ZNF536: variants seen among roughly 807,000 people sequenced by gnomAD.
The protein encoded by ZNF536 is zinc finger protein 536.
ZNF536 carries 13 observed loss-of-function variants against 84.5 expected under a neutral mutation model. The ratio of observed to expected loss-of-function variants is 0.15; its 90% CI spans 0.10 to 0.24. The LOEUF is 0.24. Among genes scored for constraint, ZNF536 ranks in the 10% least tolerant of loss-of-function variants. The probability of loss-of-function intolerance (pLI) is 1.00; values close to 1 mark genes in which losing one functional copy is unlikely to be tolerated. For synonymous variants in ZNF536, 811 were observed against 742.5 expected, an observed-to-expected ratio of 1.09 and a Z score of -1.50; for missense variants, 1,536 against 1,747.5, an observed-to-expected ratio of 0.88 and a Z score of 2.16.
chr19:30,465,780 T>C (rs1414155635), intron 2 of ZNF536, among the ~76,000 whole-genome samples: 1 of 152,082 alleles, frequency 6.6e-6, no homozygotes, highest in Non-Finnish European at 1.5e-5. Flanking sequence ...AGATGGAGTC[T>C]TGCTCTGTTG....
chr19:30,591,711 G>T (rs545613142), intron 1 of ZNF536, among the ~76,000 whole-genome samples: 1 of 152,324 alleles, frequency 6.6e-6, no homozygotes, highest in South Asian at 2.1e-4. Context: ...TTGATGGGTT[G>T]CTGGAGCAGT....
At chr19:30,412,956 T>TA (rs1223058566) in intron 1 of ZNF536, among the ~76,000 whole-genome samples, 2 of 152,026 alleles carry the variant, frequency 1.3e-5, no homozygotes, top group African/African-American at 4.8e-5. Context: ...TCATATCTGA[T>TA]AATTTTTTTA....
At chr19:30,452,972 C>T (rs2052674602) in intron 2 of ZNF536, among the ~76,000 whole-genome samples, 1 of 119,252 alleles carries the variant, frequency 8.4e-6, no homozygotes, top group Non-Finnish European at 1.7e-5. Context: ...AAGAGGGGTG[C>T]ATGGTGTCGG....
At chr19:30,651,388 T>C (rs1018409400) in intron 1 of ZNF536, among the ~76,000 whole-genome samples, 3 of 152,218 alleles carry the variant, frequency 2.0e-5, no homozygotes, top group Admixed American at 6.5e-5. Flanking sequence ...CCAGCTGCTA[T>C]TCTTCCCATA....
At chr19:30,498,450 G>T (rs55976206) in intron 2 of ZNF536, among the ~76,000 whole-genome samples, 1 of 151,982 alleles carries the variant, frequency 6.6e-6, no homozygotes, top group Non-Finnish European at 1.5e-5. Flanking sequence ...GAGTGGGGTG[G>T]GGGGACGGAG....
Position 30,613,286 on chromosome 19 carries a change from G to A in ZNF536, c.169+63772G>A, listed in dbSNP as rs145388639. ...GTGGGCAGATACTCTGAGACAACAC[G>A]GGTCCTTTTTCTTTTCATACTTCTG... On this transcript the variant is annotated intron_variant, in intron 1 of 1. Coordinates refer to the ZNF536 transcript ENST00000592773. Among the ~76,000 whole-genome samples the A allele has an allele frequency of 6.6e-3, 1,000 of 152,198 alleles. 5 individuals carry two copies. The highest frequency in any genetic ancestry group is 0.025 in the South Asian group (121 of 4,816).
At chr19:30,623,658 A>G (rs1309044168) in intron 1 of ZNF536, among the ~76,000 whole-genome samples, 1 of 152,122 alleles carries the variant, frequency 6.6e-6, no homozygotes, top group Non-Finnish European at 1.5e-5. Context: ...TCTTTGTTCC[A>G]CTGTAGCCTC....
At chr19:30,662,539 G>C (rs928135429) in intron 1 of ZNF536, among the ~76,000 whole-genome samples, 31 of 151,462 alleles carry the variant, frequency 2.0e-4, no homozygotes, top group Non-Finnish European at 4.4e-4. Context: ...CCCGCAGATG[G>C]GGGGGGATAG....
At chr19:30,680,374 G>T (rs1011164308) in intron 1 of ZNF536, among the ~76,000 whole-genome samples, 1 of 149,782 alleles carries the variant, frequency 6.7e-6, no homozygotes, top group African/African-American at 2.5e-5. Context: ...TTAGCATTAG[G>T]TATATCTCCT....
chr19:30,499,297 C>T (rs1315293287), intron 2 of ZNF536, among the ~76,000 whole-genome samples: 2 of 151,944 alleles, frequency 1.3e-5, no homozygotes, highest in Non-Finnish European at 2.9e-5. Context: ...ATCTTTGCAT[C>T]TATGTATCTA....
intron 1 of ZNF536, among the ~76,000 whole-genome samples, chr19:30,605,352 G>A (rs911064548): frequency 6.9e-6 from 1 of 145,344 alleles, no homozygotes; most frequent in African/African-American, 2.5e-5. Flanking sequence ...CTCCCCCACC[G>A]CCAAGTCCCC....
intron 1 of ZNF536, among the ~76,000 whole-genome samples, chr19:30,622,762 TG>T (rs1484376768): frequency 6.6e-6 from 1 of 152,078 alleles, no homozygotes; most frequent in African/African-American, 2.4e-5. Context: ...ATGTTTGGGG[TG>T]GTGCTTTGGG....
intron 2 of ZNF536, among the ~76,000 whole-genome samples, chr19:30,289,035 A>G (rs2145765139): frequency 6.6e-6 from 1 of 152,268 alleles, no homozygotes; most frequent in South Asian, 2.1e-4. Flanking sequence ...GAGTTTCCTA[A>G]GCCAACTTCT....
At chr19:30,406,564 T>C (rs1243060932) in intron 1 of ZNF536, among the ~76,000 whole-genome samples, 1 of 152,178 alleles carries the variant, frequency 6.6e-6, no homozygotes, top group African/African-American at 2.4e-5. Flanking sequence ...GCTCCAAGCA[T>C]TGAGGAAACT....
intron 2 of ZNF536, among the ~76,000 whole-genome samples, chr19:30,341,435 A>T (rs2047561637): frequency 6.6e-6 from 1 of 152,328 alleles, no homozygotes; most frequent in Admixed American, 6.5e-5. Flanking sequence ...TAATCAAAAG[A>T]TGACAGGCAG....
intron 1 of ZNF536, among the ~76,000 whole-genome samples, chr19:30,679,303 A>G (rs1011315758): frequency 6.6e-6 from 1 of 152,202 alleles, no homozygotes; most frequent in African/African-American, 2.4e-5. Context: ...TCAGAGAGCA[A>G]TTTTGGAGCC....
chr19:30,291,228 G>A (rs1006920586), intron 2 of ZNF536, among the ~76,000 whole-genome samples: 2 of 152,138 alleles, frequency 1.3e-5, no homozygotes, highest in Non-Finnish European at 2.9e-5. Flanking sequence ...GGGTTAAATG[G>A]TATTTCTGGT....
intron 1 of ZNF536, among the ~76,000 whole-genome samples, chr19:30,403,035 C>T (rs1334030719): frequency 1.3e-5 from 2 of 151,882 alleles, no homozygotes; most frequent in African/African-American, 4.8e-5. Flanking sequence ...GGTAGGAATG[C>T]CTGCAACTCT....
At chr19:30,653,036 G>C (rs898267688) in intron 1 of ZNF536, among the ~76,000 whole-genome samples, 7 of 152,210 alleles carry the variant, frequency 4.6e-5, no homozygotes, top group African/African-American at 9.7e-5. Flanking sequence ...GCCTAGTAAG[G>C]TTGGGTGGAA....
Sources: allele counts gnomAD v4.1 joint callset (sites outside exome capture counted in the v4.1 genomes callset), GRCh38; gene constraint gnomAD v4.1.1; transcripts MANE v1.5; gene names NCBI Gene and HGNC (gene_info 2026-07-23, HGNC 2026-07-21).